Variants in COX7C observed in about 807,000 individuals in gnomAD.
COX7C encodes the protein cytochrome c oxidase subunit 7C, mitochondrial.
Under a neutral mutation model 6.4 loss-of-function variants are expected in COX7C, and 1 was observed. That is an observed-to-expected ratio of 0.16 (90% CI 0.06 to 0.74). The LOEUF (loss-of-function observed/expected upper bound fraction) is 0.74. Ranked by LOEUF, COX7C falls within the 30% of genes least tolerant of loss-of-function variation. The pLI is 0.78. For synonymous variants in COX7C, 24 were observed against 28.9 expected, an observed-to-expected ratio of 0.83 and a Z score of 0.54; for missense variants, 54 against 73.7, an observed-to-expected ratio of 0.73 and a Z score of 0.98.
Position 86,617,966 on chromosome 5 carries a change from A to T in COX7C, c.-90A>T, listed in dbSNP as rs1360069415. 4.2e-6 allele frequency: 5 copies of T among 1,201,448 alleles called. No individual in the cohort carries two copies. Among genetic ancestry groups the T allele is most frequent in the Non-Finnish European group, 6.1e-6 (5 of 817,898 alleles). 74.4% of individuals were successfully genotyped at this position (1,201,448 alleles called of 1,614,324 possible). On this transcript the variant is annotated 5_prime_UTR_variant, in exon 1 of 3. Coordinates refer to ENST00000247655, the MANE Select transcript of COX7C (RefSeq NM_001867.3). ...CTTTTCAGTCCTTGCGCACCGGGGA[A>T]CAAGGTCGTGAAAAAAAAGGTCTTG...
At position 86,619,412 on chromosome 5, in the gene COX7C, T is replaced by C; in HGVS notation, c.135T>C (p.Phe45=). The change falls in exon 2 of 3, where the codon TTT becomes TTC. Residue 45 remains phenylalanine, a synonymous_variant. Coordinates refer to ENST00000247655, the MANE Select transcript of COX7C (RefSeq NM_001867.3). ...TACTAGCTAAGATGTGTTTGTACTTTGGATCTGCATTTGCTACACCCTTCC... is the reference window on the plus strand; with the variant it reads ...TACTAGCTAAGATGTGTTTGTACTTCGGATCTGCATTTGCTACACCCTTCC... ...WSLLAKMCLY[F]GSAFATPFLV... is the part of the protein sequence containing the mutation. 6.2e-7 allele frequency: 1 copy of C among 1,613,968 alleles called. No homozygotes were observed. The highest frequency in any genetic ancestry group is 2.2e-5 in the East Asian group (1 of 44,850).
In COX7C at chr5:86,619,485, T is replaced by C; in HGVS notation, c.*16T>C. The C allele has an allele frequency of 6.7e-7, 1 of 1,496,394 alleles. No individual in the cohort carries two copies. The highest frequency in any genetic ancestry group is 1.4e-5 in the African/African-American group (1 of 72,638). 92.7% of individuals were successfully genotyped at this position (1,496,394 alleles called of 1,614,324 possible). On this transcript the variant is annotated 3_prime_UTR_variant, in exon 2 of 3. Transcript: ENST00000247655. ...TAAAACATAAGGATGTTTCAGTTCCTCCATTTAACAGGTAGTTAGTGGATT... is the reference window on the plus strand; with the variant it reads ...TAAAACATAAGGATGTTTCAGTTCCCCCATTTAACAGGTAGTTAGTGGATT...
intron 2 of COX7C, 70 bp downstream of exon 2, chr5:86,619,566 A>AAC (rs1398770333): frequency 2.2e-5 from 17 of 786,436 alleles, no homozygotes; most frequent in Non-Finnish European, 2.0e-5. Context: ...CATCACCCAG[A>AAC]ACACACACAC....
chr5:86,618,195 C>A, intron 1 of COX7C, 65 bp downstream of exon 1: 1 of 1,458,268 alleles, frequency 6.9e-7, no homozygotes, highest in Non-Finnish European at 9.6e-7. Context: ...CGCGCACCTG[C>A]AAGGCCGCCT....
intron 1 of COX7C, 168 bp downstream of exon 1, chr5:86,618,298 A>G (rs535380208): frequency 1.6e-6 from 1 of 639,768 alleles, no homozygotes; most frequent in Non-Finnish European, 2.8e-6. Context: ...GAAGCTGGGC[A>G]TCCTAGCGCG....
rs577334714 is a variant in COX7C, at chr5:86,618,003, C to T, written c.-53C>T. On this transcript the variant is annotated 5_prime_UTR_variant, in exon 1 of 3. Coordinates refer to ENST00000247655, the MANE Select transcript of COX7C (RefSeq NM_001867.3). ...AAAAAAAGGTCTTGGTGAGGTGCCG[C>T]CATTTCATCTGTCCTCATTCTCTGC... is the stretch of plus-strand genomic sequence containing the variant. 44 of 1,570,868 alleles carry T rather than the reference C, an allele frequency of 2.8e-5. No homozygotes were observed. The South Asian group carries it at 4.8e-4, about 17-fold the overall frequency.
intron 1 of COX7C, 43 bp downstream of exon 1, chr5:86,618,173 T>G (rs1481160140): frequency 6.3e-7 from 1 of 1,590,536 alleles, no homozygotes; most frequent in South Asian, 1.1e-5. Context: ...GAGGGGGCGC[T>G]TGGCTGTGAC....
intron 1 of COX7C, chr5:86,618,468 T>C (rs1422086009): frequency 7.0e-6 from 2 of 286,336 alleles, no homozygotes; most frequent in African/African-American, 4.4e-5. Context: ...GGACCCGAAA[T>C]GAAGGTCATT....
intron 1 of COX7C, 138 bp downstream of exon 1, chr5:86,618,268 T>G (rs1290072983): frequency 5.1e-6 from 4 of 777,152 alleles, no homozygotes; most frequent in Non-Finnish European, 8.7e-6. Context: ...AGCATTCCAC[T>G]TAGCCCAAGG....
intron 1 of COX7C, 74 bp from the exon 2 acceptor site, chr5:86,619,279 A>G: frequency 2.3e-6 from 2 of 873,074 alleles, no homozygotes; most frequent in Non-Finnish European, 3.9e-6. Context: ...CATTTCCTGT[A>G]TACTTGTATT....
chr5:86,618,994 GAA>G (rs991696408), intron 1 of COX7C, among the ~76,000 whole-genome samples: 3 of 145,250 alleles, frequency 2.1e-5, no homozygotes, highest in Non-Finnish European at 3.0e-5. Context: ...AAAAAAAAAA[GAA>G]AAAAAAAGAG....
chr5:86,618,876 G>C (rs949860436), intron 1 of COX7C, among the ~76,000 whole-genome samples: 20 of 151,894 alleles, frequency 1.3e-4, no homozygotes, highest in African/African-American at 4.4e-4. Context: ...CAGCTACTCG[G>C]GAGGCTGAGG....
At chr5:86,618,216 G>A in intron 1 of COX7C, 86 bp downstream of exon 1, 3 of 1,267,556 alleles carry the variant, frequency 2.4e-6, no homozygotes, top group South Asian at 1.2e-5. Context: ...CCGGGCTGTG[G>A]CGTGGGAGAT....
At chr5:86,619,093 T>TCAC (rs1166843401) in intron 1 of COX7C, among the ~76,000 whole-genome samples, 2 of 152,200 alleles carry the variant, frequency 1.3e-5, no homozygotes, top group Non-Finnish European at 2.9e-5. Context: ...AAGAAACTTC[T>TCAC]CACTATTTGA....
In COX7C at chr5:86,617,941, C is replaced by A. The variant is rs970595878; in HGVS notation, c.-115C>A. 1.5e-5 allele frequency: 14 copies of A among 929,282 alleles called. No homozygotes were observed. The highest frequency in any genetic ancestry group is 2.4e-5 in the Non-Finnish European group (14 of 595,122). 57.6% of individuals were successfully genotyped at this position (929,282 alleles called of 1,614,324 possible). A position where few individuals can be genotyped will look rare whatever the true frequency, so the allele number is the denominator to read the frequency against. ...AGGCTCCGCCCCATTTCCCATCTTT[C>A]TTTTCAGTCCTTGCGCACCGGGGAA... On this transcript the variant is annotated 5_prime_UTR_variant, in exon 1 of 3. Transcript: ENST00000247655.
In COX7C at chr5:86,617,961, G is replaced by T. The variant is rs943989839; in HGVS notation, c.-95G>T. The T allele has an allele frequency of 6.9e-6, 8 of 1,156,784 alleles. No individual in the cohort carries two copies. The highest frequency in any genetic ancestry group is 1.0e-5 in the Non-Finnish European group (8 of 783,772). 71.7% of individuals were successfully genotyped at this position (1,156,784 alleles called of 1,614,324 possible). On this transcript the variant is annotated 5_prime_UTR_variant, in exon 1 of 3. Coordinates refer to ENST00000247655, the MANE Select transcript of COX7C (RefSeq NM_001867.3). Reference sequence around the variant, plus strand: ...TCTTTCTTTTCAGTCCTTGCGCACCGGGGAACAAGGTCGTGAAAAAAAAGG... The same window carrying T: ...TCTTTCTTTTCAGTCCTTGCGCACCTGGGAACAAGGTCGTGAAAAAAAAGG...
At chr5:86,618,978 CAAAAAAAAAAAA>C (rs368187717) in intron 1 of COX7C, among the ~76,000 whole-genome samples, 1 of 62,438 alleles carries the variant, frequency 1.6e-5, no homozygotes, top group African/African-American at 5.5e-5. Context: ...GACTCCGTCT[CAAAAAAAAAAAA>C]AAAGAAAAAA....
At chr5:86,618,340 G>C (rs888333996) in intron 1 of COX7C, 2 of 545,818 alleles carry the variant, frequency 3.7e-6, no homozygotes, top group African/African-American at 3.8e-5. Flanking sequence ...GGTAGATCCG[G>C]AAGCCCTGCC....
chr5:86,620,836 A>G lies in COX7C; in HGVS notation c.*196A>G. On this transcript the variant is annotated 3_prime_UTR_variant, in exon 3 of 3. Transcript: ENST00000247655. ...ATTTGCCTACTTTATTATTTGGGTA[A>G]CATTCCAGTATTACTCTCTGTGATT... The G allele has an allele frequency of 8.5e-6, 2 of 234,008 alleles. No homozygotes were observed. The highest frequency in any genetic ancestry group is 9.6e-5 in the South Asian group (2 of 20,736). The allele number at this position is 234,008 out of a possible 1,614,324, so 14.5% of individuals were successfully genotyped here. A position where few individuals can be genotyped will look rare whatever the true frequency, so the allele number is the denominator to read the frequency against.
Sources: gnomAD v4.1 joint callset for allele counts (sites outside exome capture counted in the v4.1 genomes callset) on GRCh38, gnomAD v4.1.1 for gene constraint, MANE v1.5 for transcripts, NCBI Gene and HGNC (gene_info 2026-07-23, HGNC 2026-07-21) for gene names.